The following FAS variants were observed in gnomAD, a reference collection of about 807,000 sequenced individuals.
FAS encodes tumor necrosis factor receptor superfamily member 6.
In FAS, 5 loss-of-function variants were observed where a neutral mutation model predicts 33.2. The ratio of observed to expected loss-of-function variants is 0.15; its 90% confidence interval spans 0.08 to 0.32. FAS has a LOEUF of 0.32. Ranked by LOEUF, FAS falls within the 10% of genes least tolerant of loss-of-function variation. The pLI is 1.00. For missense variants in FAS, 339 were observed against 386.0 expected (o/e 0.88, Z 1.02); for synonymous variants, 131 against 130.7 (o/e 1.00, Z -0.01).
intron 2 of FAS, among the ~76,000 whole-genome samples, chr10:88,979,725 C>T (rs1254850531): frequency 1.3e-5 from 2 of 152,082 alleles, no homozygotes; most frequent in Non-Finnish European, 2.9e-5. Flanking sequence ...TCAATTCGAT[C>T]AGAAAAGGTT....
Position 89,003,182 on chromosome 10 carries a change from C to T in FAS, c.184C>T (p.Pro62Ser). 6.2e-7 allele frequency: 1 copy of T among 1,614,058 alleles called. No individual in the cohort carries two copies. Among genetic ancestry groups the T allele is most frequent in the Non-Finnish European group, 8.5e-7 (1 of 1,179,970 alleles). ...TCATGATGGCCAATTCTGCCATAAGCCCTGTCCTCCAGGTATGTTACACAA... is the reference window on the plus strand; with the variant it reads ...TCATGATGGCCAATTCTGCCATAAGTCCTGTCCTCCAGGTATGTTACACAA... ...LHHDGQFCHK[P>S]CPPGERKARD... Residue 62 changes from proline to serine, a missense_variant, in exon 2 of 9, where the codon CCC becomes TCC. Physicochemically the swap from Pro to Ser is moderately conservative, Grantham distance 74. Coordinates refer to ENST00000652046, the MANE Select transcript of FAS (RefSeq NM_000043.6).
rs1848775383 is a variant in FAS, at chr10:89,015,713, G to T, written c.*1263G>T. The T allele has an allele frequency of 2.0e-6, 1 of 496,826 alleles. No homozygotes were observed. The highest frequency in any genetic ancestry group is 1.9e-5 in the African/African-American group (1 of 53,040). 30.8% of individuals were successfully genotyped at this position (496,826 alleles called of 1,614,324 possible). ...CACCTAAAGAACTTCCATTTATGGAGGATTTTTTTGCCCCTTGTGTTTGGA... is the reference window on the plus strand; with the variant it reads ...CACCTAAAGAACTTCCATTTATGGATGATTTTTTTGCCCCTTGTGTTTGGA... On this transcript the variant is annotated 3_prime_UTR_variant, in exon 9 of 9. Transcript: ENST00000652046.
intron 2 of FAS, chr10:88,973,552 G>C: frequency 2.8e-6 from 1 of 358,868 alleles, no homozygotes. Flanking sequence ...ATGCAATGTT[G>C]TGTTTGTCAC....
At chr10:89,010,510 T>C (rs2133526678) in intron 4 of FAS, 29 bp from the exon 5 acceptor site, 1 of 1,596,272 alleles carries the variant, frequency 6.3e-7, no homozygotes, top group South Asian at 1.1e-5. Flanking sequence ...TGCCAGGCTT[T>C]TGAATTTCTC....
upstream of FAS, among the ~76,000 whole-genome samples, chr10:88,989,916 A>C (rs1340682424): frequency 6.6e-6 from 1 of 152,206 alleles, no homozygotes; most frequent in East Asian, 1.9e-4. Flanking sequence ...AATTCATGCT[A>C]AACTACCTAA....
At chr10:89,007,614 T>G in intron 2 of FAS, 86 bp from the exon 3 acceptor site, 1 of 1,534,726 alleles carries the variant, frequency 6.5e-7, no homozygotes, top group Non-Finnish European at 8.8e-7. Flanking sequence ...TTAGAAGAGT[T>G]TTATTGTCTG....
At position 89,007,682 on chromosome 10, in the gene FAS, C is replaced by G. The variant is rs765687911; in HGVS notation, c.197-18C>G. On this transcript the variant is annotated intron_variant, in intron 2 of 8. Coordinates refer to ENST00000652046, the MANE Select transcript of FAS (RefSeq NM_000043.6). Reference sequence around the variant, plus strand: ...CCCGTGTCCTGTTCAAACACTTGCTCCTTTTTTCCTTGGGCAGGTGAAAGG... The same window carrying G: ...CCCGTGTCCTGTTCAAACACTTGCTGCTTTTTTCCTTGGGCAGGTGAAAGG... 4 of 1,610,902 alleles carry G rather than the reference C, an allele frequency of 2.5e-6. No homozygotes were observed. Among genetic ancestry groups the G allele is most frequent in the Non-Finnish European group, 3.4e-6 (4 of 1,178,090 alleles).
chr10:88,974,667 A>C (rs111321185), intron 2 of FAS: 2 of 152,346 alleles, frequency 1.3e-5, no homozygotes, highest in African/African-American at 4.8e-5. Context: ...ATGGTTATTA[A>C]GTAATACAAA....
At chr10:88,990,613 C>T, upstream of FAS, 1 of 685,182 alleles carries the variant, frequency 1.5e-6, no homozygotes, top group South Asian at 1.5e-5. The surrounding 1 kb of genome is among the most constrained non-coding windows in gnomAD (Gnocchi z 4.9). Flanking sequence ...CCTTCCCATC[C>T]TCCTGACCAC....
chr10:89,015,603 A>T lies in FAS; in HGVS notation c.*1153A>T, dbSNP rs986613204. The T allele has an allele frequency of 2.4e-5, 12 of 505,364 alleles. No homozygotes were observed. In the Admixed American group the frequency reaches 2.7e-4, roughly 11 times the overall value. 31.3% of individuals were successfully genotyped at this position (505,364 alleles called of 1,614,324 possible). On this transcript the variant is annotated 3_prime_UTR_variant, in exon 9 of 9. Transcript: ENST00000652046. ...TTAAATATCTTTGAAAGTTTGTATT[A>T]AATGTGAATTTTAAGAAATAATATT...
In FAS at chr10:89,003,085, C is replaced by T. The variant is rs1323745013; in HGVS notation, c.87C>T (p.Asp29=). The T allele has an allele frequency of 8.7e-6, 14 of 1,614,012 alleles. No individual in the cohort carries two copies. The highest frequency in any genetic ancestry group is 2.2e-5 in the East Asian group (1 of 44,898). ...AAAGTGTTAATGCCCAAGTGACTGACATCAACTCCAAGGGATTGGAATTGA... is the reference window on the plus strand; with the variant it reads ...AAAGTGTTAATGCCCAAGTGACTGATATCAACTCCAAGGGATTGGAATTGA... The part of the protein sequence containing the change: ...SSKSVNAQVT[D]INSKGLELRK... The change falls in exon 2 of 9, where the codon GAC becomes GAT. Residue 29 remains aspartate, a synonymous_variant. Coordinates refer to ENST00000652046, the MANE Select transcript of FAS (RefSeq NM_000043.6).
chr10:89,013,620 T>C (rs371064613), intron 8 of FAS, among the ~76,000 whole-genome samples: 16 of 152,164 alleles, frequency 1.1e-4, no homozygotes, highest in African/African-American at 3.6e-4. Context: ...TCCTTCATAA[T>C]CAGCTAGATG....
intron 1 of FAS, among the ~76,000 whole-genome samples, chr10:88,964,153 CA>C (rs1415971046): frequency 1.3e-5 from 2 of 151,788 alleles, no homozygotes; most frequent in African/African-American, 4.8e-5. Flanking sequence ...TTTAGTTTCA[CA>C]TATTTTGCAT....
chr10:88,988,292 T>C (rs1382031333), upstream of FAS, among the ~76,000 whole-genome samples: 1 of 152,200 alleles, frequency 6.6e-6, no homozygotes, highest in East Asian at 1.9e-4. Flanking sequence ...ATATACACTA[T>C]AGCTGGGAGT....
chr10:89,002,914 A>C, intron 1 of FAS, 115 bp from the exon 2 acceptor site: 1 of 1,054,310 alleles, frequency 9.5e-7, no homozygotes, highest in Non-Finnish European at 1.4e-6. Context: ...TGGAGCCCTC[A>C]CATTGTCTTT....
At chr10:88,969,158 G>T (rs764523973) in intron 1 of FAS, among the ~76,000 whole-genome samples, 16 of 152,154 alleles carry the variant, frequency 1.1e-4, no homozygotes, top group African/African-American at 3.1e-4. Flanking sequence ...ATTGAGGCAA[G>T]AAGTATAATC....
chr10:89,000,862 C>T (rs543256907), intron 1 of FAS, among the ~76,000 whole-genome samples: 7 of 152,168 alleles, frequency 4.6e-5, no homozygotes, highest in South Asian at 2.1e-4. Flanking sequence ...GCCTGGCCAA[C>T]GTGGTGAAAT....
At chr10:89,003,260 A>C (rs1848037097) in intron 2 of FAS, 66 bp downstream of exon 2, 1 of 1,571,542 alleles carries the variant, frequency 6.4e-7, no homozygotes, top group Admixed American at 1.7e-5. Flanking sequence ...CATAGTAATC[A>C]TGACTATAAT....
intron 1 of FAS, among the ~76,000 whole-genome samples, chr10:89,000,873 GC>G (rs1316220164): frequency 4.0e-5 from 6 of 151,526 alleles, no homozygotes; most frequent in Non-Finnish European, 7.4e-5. Context: ...GTGGTGAAAT[GC>G]CGTCTCTACT....
Sources: gnomAD v4.1 joint callset for allele counts (sites outside exome capture counted in the v4.1 genomes callset) on GRCh38, gnomAD v4.1.1 for gene constraint, Gnocchi (gnomAD v3.1) non-coding constraint, MANE v1.5 for transcripts, NCBI Gene and HGNC (gene_info 2026-07-23, HGNC 2026-07-21) for gene names.